The following DLGAP2 variants were observed in gnomAD, a reference collection of about 807,000 sequenced individuals.
DLGAP2 encodes DLG associated protein 2.
In DLGAP2, 26 loss-of-function variants were observed where a neutral mutation model predicts 100.3. That is an observed-to-expected ratio of 0.26 (90% CI 0.19 to 0.36). DLGAP2 has a LOEUF of 0.36. Among genes scored for constraint, DLGAP2 ranks in the 10% least tolerant of loss-of-function variants. The pLI, the probability that DLGAP2 is intolerant of heterozygous loss-of-function variation, is 1.00. For synonymous variants in DLGAP2, 886 were observed against 630.1 expected (o/e 1.41, Z -6.08); for missense variants, 1,858 against 1,453.2 (o/e 1.28, Z -4.53).
intron 2 of DLGAP2, among the ~76,000 whole-genome samples, chr8:989,234 G>C (rs896070181): frequency 5.3e-5 from 8 of 152,144 alleles, no homozygotes; most frequent in Non-Finnish European, 1.0e-4. Flanking sequence ...CTCCCCCGGA[G>C]TCCCTCTGGG....
chr8:1,171,355 T>C (rs1797124197), intron 2 of DLGAP2, among the ~76,000 whole-genome samples: 1 of 152,204 alleles, frequency 6.6e-6, no homozygotes, highest in Admixed American at 6.5e-5. Context: ...AAAATGTATA[T>C]TCTGTTGATT....
intron 1 of DLGAP2, among the ~76,000 whole-genome samples, chr8:820,836 G>A (rs114405525): frequency 0.012 from 1,824 of 152,246 alleles, 36 homozygotes; most frequent in African/African-American, 0.041. Context: ...GATTTGTGGG[G>A]CTAAAATAAT....
At chr8:1,502,489 T>C (rs1374951934) in intron 4 of DLGAP2, among the ~76,000 whole-genome samples, 3 of 152,220 alleles carry the variant, frequency 2.0e-5, no homozygotes, top group Admixed American at 1.3e-4. Flanking sequence ...TTCTAAAGGA[T>C]GACCGTCCAT....
intron 3 of DLGAP2, among the ~76,000 whole-genome samples, chr8:1,409,770 C>T (rs1330741296): frequency 6.6e-6 from 1 of 152,186 alleles, no homozygotes; most frequent in Non-Finnish European, 1.5e-5. Flanking sequence ...GACCTCCTCT[C>T]TTCTTGAGCT....
At chr8:1,426,824 A>T (rs1173806170) in intron 3 of DLGAP2, among the ~76,000 whole-genome samples, 1 of 152,256 alleles carries the variant, frequency 6.6e-6, no homozygotes, top group Admixed American at 6.5e-5. Context: ...TCGTAAAAAA[A>T]AATTAGTGTC....
At chr8:1,601,509 A>G (rs1796623420) in intron 6 of DLGAP2, among the ~76,000 whole-genome samples, 1 of 152,170 alleles carries the variant, frequency 6.6e-6, no homozygotes, top group Non-Finnish European at 1.5e-5. Flanking sequence ...TCCCAGAGAG[A>G]TGGGAGTTTT....
chr8:1,431,825 C>G (rs1797453250), intron 3 of DLGAP2, among the ~76,000 whole-genome samples: 1 of 152,192 alleles, frequency 6.6e-6, no homozygotes. Flanking sequence ...CTTCTGATGC[C>G]TCCGTGTCGA....
chr8:1,297,424 G>A (rs542235544), intron 3 of DLGAP2, among the ~76,000 whole-genome samples: 65 of 151,538 alleles, frequency 4.3e-4, no homozygotes, highest in East Asian at 7.8e-4. Flanking sequence ...TGGCATGCGC[G>A]AACAGACACC....
At chr8:1,052,433 C>G (rs752487957) in intron 2 of DLGAP2, among the ~76,000 whole-genome samples, 2 of 152,160 alleles carry the variant, frequency 1.3e-5, no homozygotes, top group Non-Finnish European at 2.9e-5. Context: ...TCACAGCATA[C>G]ACTAGGAATG....
chr8:1,433,413 C>G (rs73172541), intron 3 of DLGAP2, among the ~76,000 whole-genome samples: 32,368 of 152,216 alleles, frequency 0.21, 3,861 homozygotes, highest in Middle Eastern at 0.29. Context: ...GGTGGCCAGG[C>G]CCAAGCACCC....
At chr8:1,245,347 T>C (rs1798881017) in intron 2 of DLGAP2, among the ~76,000 whole-genome samples, 1 of 152,212 alleles carries the variant, frequency 6.6e-6, no homozygotes, top group Non-Finnish European at 1.5e-5. Context: ...CCAGGTCAAG[T>C]ATCCGGAAAC....
At chr8:1,390,409 T>C (rs914572514) in intron 3 of DLGAP2, among the ~76,000 whole-genome samples, 1 of 152,238 alleles carries the variant, frequency 6.6e-6, no homozygotes, top group African/African-American at 2.4e-5. Flanking sequence ...GTAAGTTTTT[T>C]GTATGCATAA....
chr8:1,117,492 G>A (rs1402369768), intron 2 of DLGAP2, among the ~76,000 whole-genome samples: 1 of 151,710 alleles, frequency 6.6e-6, no homozygotes, highest in African/African-American at 2.4e-5. Context: ...TGAGGGTGGG[G>A]TGGACGCTGT....
chr8:1,050,019 CAT>C (rs1230079392), intron 2 of DLGAP2, among the ~76,000 whole-genome samples: 1 of 152,182 alleles, frequency 6.6e-6, no homozygotes, highest in Non-Finnish European at 1.5e-5. Context: ...TATGTACACA[CAT>C]GCGGATATGT....
At chr8:833,916 GAA>G (rs912747602) in intron 1 of DLGAP2, among the ~76,000 whole-genome samples, 1 of 152,068 alleles carries the variant, frequency 6.6e-6, no homozygotes. Context: ...TGGTAAAAAA[GAA>G]AAAAATTATT....
chr8:981,520 T>G (rs562993672), intron 2 of DLGAP2, among the ~76,000 whole-genome samples: 2 of 152,168 alleles, frequency 1.3e-5, no homozygotes, highest in Non-Finnish European at 2.9e-5. Flanking sequence ...GCACAGCAGC[T>G]GCGCCGTTTT....
intron 2 of DLGAP2, among the ~76,000 whole-genome samples, chr8:1,184,718 G>C (rs920101395): frequency 1.3e-5 from 2 of 152,204 alleles, no homozygotes; most frequent in Admixed American, 6.5e-5. Context: ...GCTCAGGGCA[G>C]CTGTAGCCTG....
chr8:1,358,461 TCA>T (rs1491162521), intron 3 of DLGAP2, among the ~76,000 whole-genome samples: 1 of 152,140 alleles, frequency 6.6e-6, no homozygotes, highest in African/African-American at 2.4e-5. Context: ...TTCTCCACAC[TCA>T]CAGACGTAAC....
At chr8:855,055 C>T (rs568427493) in intron 1 of DLGAP2, among the ~76,000 whole-genome samples, 13 of 152,176 alleles carry the variant, frequency 8.5e-5, no homozygotes, top group East Asian at 1.9e-4. Flanking sequence ...TGATGGTAGG[C>T]GCTTGCCGAG....
Sources: gnomAD v4.1 joint callset for allele counts (sites outside exome capture counted in the v4.1 genomes callset) on GRCh38, gnomAD v4.1.1 for gene constraint, MANE v1.5 for transcripts, NCBI Gene and HGNC (gene_info 2026-07-23, HGNC 2026-07-21) for gene names.